Variants in PARP16 observed in about 807,000 individuals in gnomAD.
The protein encoded by PARP16 is protein mono-ADP-ribosyltransferase PARP16.
A neutral mutation model predicts 35.0 loss-of-function variants in PARP16; 31 were observed. The observed-to-expected ratio is 0.88, with a 90% CI of 0.66 to 1.19. The LOEUF is 1.19. Ranked by LOEUF, PARP16 falls within the 50% of genes most tolerant of loss-of-function variation. The pLI is 0.00. For missense variants in PARP16, 424 were observed against 411.2 expected (o/e 1.03, Z -0.27); for synonymous variants, 162 against 169.5 (o/e 0.96, Z 0.34).
At chr15:65,231,491 C>A (rs1237731350), downstream of PARP16, among the ~76,000 whole-genome samples, 1 of 150,990 alleles carries the variant, frequency 6.6e-6, no homozygotes, top group Admixed American at 6.6e-5. Context: ...TCTGAGTCAC[C>A]CAGGCTAAAG....
intron 3 of PARP16, among the ~76,000 whole-genome samples, chr15:65,239,452 AAG>A (rs1555419135): frequency 8.8e-6 from 1 of 113,038 alleles, no homozygotes; most frequent in Non-Finnish European, 1.9e-5. Flanking sequence ...AAAAAAAAAA[AAG>A]AGAGAAAAGA....
intron 3 of PARP16, among the ~76,000 whole-genome samples, chr15:65,239,518 A>G (rs192002497): frequency 6.6e-6 from 1 of 150,582 alleles, no homozygotes; most frequent in East Asian, 1.9e-4. Context: ...ATGACCTCCA[A>G]AAGTTTTCTC....
At chr15:65,264,386 T>G (rs1399919784) in intron 3 of PARP16, among the ~76,000 whole-genome samples, 2 of 152,220 alleles carry the variant, frequency 1.3e-5, no homozygotes, top group Non-Finnish European at 2.9e-5. Flanking sequence ...TCAACTGCTA[T>G]CCCTGAGCCA....
intron 1 of PARP16, among the ~76,000 whole-genome samples, chr15:65,281,259 C>A (rs2090415210): frequency 6.6e-6 from 1 of 152,220 alleles, no homozygotes; most frequent in Admixed American, 6.5e-5. Flanking sequence ...CAGGTTCTCT[C>A]ATCCAACCCT....
chr15:65,274,246 CTTT>C (rs112213715), intron 1 of PARP16, among the ~76,000 whole-genome samples: 3 of 140,232 alleles, frequency 2.1e-5, no homozygotes, highest in Admixed American at 7.1e-5. Context: ...GCCCAGCATA[CTTT>C]TTTTTTTTTT....
chr15:65,278,306 T>C (rs2090318075), intron 1 of PARP16, among the ~76,000 whole-genome samples: 1 of 152,232 alleles, frequency 6.6e-6, no homozygotes, highest in Admixed American at 6.5e-5. Flanking sequence ...GCCTCAGATT[T>C]TTGTTTCAAA....
downstream of PARP16, among the ~76,000 whole-genome samples, chr15:65,253,572 C>T (rs1167014179): frequency 2.6e-5 from 4 of 151,960 alleles, no homozygotes; most frequent in East Asian, 5.8e-4. Context: ...CCTCGTGATC[C>T]GCCCGCCTCG....
At chr15:65,233,763 A>T (rs1479865546), downstream of PARP16, among the ~76,000 whole-genome samples, 2 of 152,078 alleles carry the variant, frequency 1.3e-5, no homozygotes, top group Non-Finnish European at 2.9e-5. Flanking sequence ...AAAAAAATTT[A>T]AATTGCAAAT....
chr15:65,251,950 G>T (rs1294856556), intron 2 of PARP16, among the ~76,000 whole-genome samples: 1 of 152,090 alleles, frequency 6.6e-6, no homozygotes, highest in Admixed American at 6.6e-5. Flanking sequence ...ATTTTTAGTA[G>T]AGACGGGGTT....
At position 65,258,837 on chromosome 15, in the gene PARP16, TAGG is replaced by T. The variant is rs1288606282; in HGVS notation, c.*567_*569del. ...TTGGGGAGGGGGGCAAGTACAGCTA[TAGG>T]AGAAGGCTGTTTGTTGATTTGAGAA... On this transcript the variant is annotated 3_prime_UTR_variant, in exon 6 of 6. Transcript: ENST00000649807. The T allele has an allele frequency of 6.5e-6, 1 of 152,692 alleles. No homozygotes were observed. The highest frequency in any genetic ancestry group is 6.5e-5 in the Admixed American group (1 of 15,286). The allele number at this position is 152,692 out of a possible 1,614,324, so 9.5% of individuals were successfully genotyped here.
downstream of PARP16, among the ~76,000 whole-genome samples, chr15:65,231,154 C>T (rs2088775033): frequency 2.0e-5 from 3 of 152,120 alleles, no homozygotes; most frequent in South Asian, 6.2e-4. Flanking sequence ...TCCCAAACTG[C>T]TGGGATTACA....
chr15:65,236,338 T>C (rs1371185777), intron 3 of PARP16, among the ~76,000 whole-genome samples: 4 of 152,218 alleles, frequency 2.6e-5, no homozygotes, highest in Non-Finnish European at 2.9e-5. Context: ...GATGGTCCTA[T>C]GGAAGATGAT....
At chr15:65,283,900 C>T (rs1052508686) in intron 1 of PARP16, among the ~76,000 whole-genome samples, 5 of 152,194 alleles carry the variant, frequency 3.3e-5, no homozygotes, top group African/African-American at 4.8e-5. Flanking sequence ...GAACAAATCT[C>T]GAGGGAAGTC....
At chr15:65,256,894 T>C (rs796469645), downstream of PARP16, among the ~76,000 whole-genome samples, 6 of 152,160 alleles carry the variant, frequency 3.9e-5, no homozygotes, top group African/African-American at 1.4e-4. Context: ...CCAATTCCTC[T>C]GGGGGAAGGA....
Position 65,259,257 on chromosome 15 carries a change from A to G in PARP16, c.*150T>C, listed in dbSNP as rs2089618350. ...TATGGCTGGGAACATCATCAAAGGC[A>G]ATGGATACATTTAGGCCATATGAAA... On this transcript the variant is annotated 3_prime_UTR_variant, in exon 6 of 6. Transcript: ENST00000649807. The G allele has an allele frequency of 1.4e-6, 1 of 713,668 alleles. No homozygotes were observed. The highest frequency in any genetic ancestry group is 2.2e-5 in the Admixed American group (1 of 44,794). The allele number at this position is 713,668 out of a possible 1,614,324, so 44.2% of individuals were successfully genotyped here.
rs150509568 is a variant in PARP16 at position 65,261,008 on chromosome 15, C to A, written c.710G>T (p.Arg237Leu). The change falls in exon 5 of 6, where the codon CGC (arginine) becomes CTC (leucine). Residue 237 changes from arginine (R) to leucine (L), a missense_variant. Arg to Leu is a moderately radical substitution (Grantham distance 102). Coordinates refer to ENST00000649807, the MANE Select transcript of PARP16 (RefSeq NM_001316943.2). ...ACTATGTTTGATTCTCGCTCGTCTG[C>A]GATCTATCTCCTTGGAATCTGAATA... ...TKKKDSKEID[R>L]RRARIKHSEG... is the part of the protein sequence containing the mutation. 6.2e-6 allele frequency: 10 copies of A among 1,613,696 alleles called. No homozygotes were observed. The highest frequency in any genetic ancestry group is 2.2e-5 in the East Asian group (1 of 44,848).
chr15:65,272,170 T>C (rs957826288), intron 1 of PARP16, among the ~76,000 whole-genome samples: 4 of 152,252 alleles, frequency 2.6e-5, no homozygotes, highest in African/African-American at 9.6e-5. Context: ...TGTGGACCAC[T>C]GCAAGGACTT....
intron 1 of PARP16, among the ~76,000 whole-genome samples, chr15:65,280,993 T>C (rs75519551): frequency 3.7e-4 from 56 of 152,298 alleles, no homozygotes; most frequent in African/African-American, 1.3e-3. Context: ...CCTGCTTTTC[T>C]AATGAGCACC....
intron 3 of PARP16, among the ~76,000 whole-genome samples, chr15:65,242,622 G>A (rs2089109382): frequency 6.6e-6 from 1 of 152,098 alleles, no homozygotes; most frequent in South Asian, 2.1e-4. Flanking sequence ...CAATTTCCAA[G>A]TGTTTTTTGC....
Sources: allele counts gnomAD v4.1 joint callset (sites outside exome capture counted in the v4.1 genomes callset), GRCh38; gene constraint gnomAD v4.1.1; transcripts MANE v1.5; gene names NCBI Gene and HGNC (gene_info 2026-07-23, HGNC 2026-07-21).